Variants in CPLANE1 observed in about 807,000 individuals in gnomAD.
CPLANE1 encodes ciliogenesis and planar polarity effector complex subunit 1.
In CPLANE1, 263 loss-of-function variants were observed where a neutral mutation model predicts 362.5. The observed-to-expected ratio is 0.73, with a 90% CI of 0.66 to 0.80. CPLANE1 has a LOEUF of 0.80. Ranked by LOEUF, CPLANE1 falls within the 30% of genes least tolerant of loss-of-function variation. The probability of loss-of-function intolerance (pLI) is 0.00; values close to 1 mark genes in which losing one functional copy is unlikely to be tolerated. For missense variants in CPLANE1, 3,461 were observed against 3,793.4 expected, an observed-to-expected ratio of 0.91 and a Z score of 2.30; for synonymous variants, 1,212 against 1,302.6, an observed-to-expected ratio of 0.93 and a Z score of 1.50.
Position 37,165,594 on chromosome 5 carries a change from C to G in CPLANE1, c.7478G>C (p.Arg2493Pro). 7.5e-6 allele frequency: 12 copies of G among 1,610,642 alleles called. No individual in the cohort carries two copies. The highest frequency in any genetic ancestry group is 1.0e-5 in the Non-Finnish European group (12 of 1,179,006). ...KLRRKPNVTF[R>P]PENSIINNDD... is the part of the protein sequence containing the mutation. The stretch of plus-strand genomic sequence containing the variant: ...ATTATTAATTATGGAATTCTCTGGT[C>G]GAAAAGTCACATTTGGTTTTCTCCT... Residue 2493 changes from arginine (R) to proline (P), a missense_variant, in exon 36 of 53, where the codon CGA (arginine) becomes CCA (proline). By Grantham distance (103) the Arg-to-Pro change is moderately radical. Transcript: ENST00000651892.
intron 8 of CPLANE1, among the ~76,000 whole-genome samples, chr5:37,237,508 C>T (rs1427174393): frequency 6.6e-6 from 1 of 152,106 alleles, no homozygotes; most frequent in Non-Finnish European, 1.5e-5. Flanking sequence ...ACTATTAATA[C>T]TAAAAGCCCA....
At chr5:37,233,006 AAG>A (rs2150556077) in intron 8 of CPLANE1, among the ~76,000 whole-genome samples, 1 of 152,278 alleles carries the variant, frequency 6.6e-6, no homozygotes, top group South Asian at 2.1e-4. Context: ...GGGAAACAGT[AAG>A]AGAAAAATCC....
chr5:37,224,353 CAATTAGTCATAGTTAATTAT>C lies in CPLANE1; in HGVS notation c.2501-40_2501-21del, dbSNP rs1561656146. The stretch of plus-strand genomic sequence containing the variant: ...CTTCCCCTAGAAAGTTTTTAACCAA[CAATTAGTCATAGTTAATTAT>C]ATTACTTCATAAAAATTTACTTTGT... On this transcript the variant is annotated intron_variant, in intron 13 of 52. Coordinates refer to ENST00000651892, the MANE Select transcript of CPLANE1 (RefSeq NM_001384732.1). 4 of 1,490,242 alleles carry C rather than the reference CAATTAGTCATAGTTAATTAT, an allele frequency of 2.7e-6. No individual in the cohort carries two copies. 92.3% of individuals were successfully genotyped at this position (1,490,242 alleles called of 1,614,324 possible). A position where few individuals can be genotyped will look rare whatever the true frequency, so the allele number is the denominator to read the frequency against.
intron 21 of CPLANE1, 30 bp downstream of exon 21, chr5:37,195,828 C>T (rs1787244131): frequency 1.9e-6 from 3 of 1,595,422 alleles, no homozygotes; most frequent in African/African-American, 2.7e-5. Flanking sequence ...ATCATTCATA[C>T]TCTAAGCAAG....
intron 21 of CPLANE1, among the ~76,000 whole-genome samples, chr5:37,189,497 A>G (rs10056774): frequency 0.014 from 2,116 of 152,264 alleles, 52 homozygotes; most frequent in African/African-American, 0.048. Flanking sequence ...TCATTATTTC[A>G]TATTTCACAG....
intron 15 of CPLANE1, among the ~76,000 whole-genome samples, chr5:37,214,440 A>C (rs895175318): frequency 2.0e-5 from 3 of 152,174 alleles, no homozygotes; most frequent in African/African-American, 7.2e-5. Context: ...GTGCCAGTGC[A>C]CTCCAGCCTG....
In CPLANE1 at chr5:37,209,638, C is replaced by T; in HGVS notation, c.2921-3213G>A. On this transcript the variant is annotated intron_variant, in intron 16 of 52. Coordinates refer to ENST00000651892, the MANE Select transcript of CPLANE1 (RefSeq NM_001384732.1). The surrounding 1 kb of genome is among the most constrained non-coding windows in gnomAD (Gnocchi z 4.6). ...AGATGTGGCTGTGAATATTCACTTTCTGTTTTCTTTCTAGAAAGTGGTTTG... is the reference window on the plus strand; with the variant it reads ...AGATGTGGCTGTGAATATTCACTTTTTGTTTTCTTTCTAGAAAGTGGTTTG... 7.7e-6 allele frequency: 11 copies of T among 1,427,684 alleles called. No homozygotes were observed. The highest frequency in any genetic ancestry group is 1.1e-5 in the Non-Finnish European group (11 of 1,012,014). The allele number at this position is 1,427,684 out of a possible 1,614,324, so 88.4% of individuals were successfully genotyped here.
chr5:37,215,184 G>C (rs1261968892), intron 15 of CPLANE1, among the ~76,000 whole-genome samples: 1 of 152,004 alleles, frequency 6.6e-6, no homozygotes, highest in African/African-American at 2.4e-5. Context: ...TGAGTAGCTG[G>C]GATTATAGGC....
At chr5:37,132,954 G>A (rs1766411188) in intron 46 of CPLANE1, among the ~76,000 whole-genome samples, 1 of 152,080 alleles carries the variant, frequency 6.6e-6, no homozygotes, top group Admixed American at 6.6e-5. Context: ...TTTGTATATG[G>A]TGAAAGGTAG....
chr5:37,136,959 G>C (rs1767912640), intron 46 of CPLANE1, among the ~76,000 whole-genome samples: 2 of 152,168 alleles, frequency 1.3e-5, no homozygotes, highest in African/African-American at 4.8e-5. Flanking sequence ...TGCCATGAAG[G>C]TCTCTGACAT....
rs1770037001 is a variant in CPLANE1, at chr5:37,142,390, C to G, written c.8552G>C (p.Gly2851Ala). 4 of 1,611,544 alleles carry G rather than the reference C, an allele frequency of 2.5e-6. No individual in the cohort carries two copies. The East Asian group carries it at 8.9e-5, about 36-fold the overall frequency. ...AGTAGGAAACACACAGGTTTTCTGACCAGAATAATTTTCTGTTATTGAAAA... is the reference window on the plus strand; with the variant it reads ...AGTAGGAAACACACAGGTTTTCTGAGCAGAATAATTTTCTGTTATTGAAAA... ...PEFSITENYS[G>A]QKTCVFPTAD... The change falls in exon 44 of 53, where the codon GGT (glycine) becomes GCT (alanine). Residue 2851 changes from glycine (G) to alanine (A), a missense_variant. Gly to Ala is a moderately conservative substitution (Grantham distance 60). Around this residue, in one of 2 missense-constraint regions of CPLANE1, gnomAD observed 3,380 missense variants for 3,666.1 expected, o/e 0.92. Coordinates refer to ENST00000651892, the MANE Select transcript of CPLANE1 (RefSeq NM_001384732.1).
chr5:37,124,901 G>A (rs1456827384), intron 47 of CPLANE1: 2 of 1,046,516 alleles, frequency 1.9e-6, no homozygotes, highest in African/African-American at 3.4e-5. Context: ...AATACACATA[G>A]TTGGTTGTCG....
rs1740196512 is a variant in CPLANE1 at position 37,247,700 on chromosome 5, T to C, written c.-2A>G. 6.5e-7 allele frequency: 1 copy of C among 1,547,096 alleles called. No homozygotes were observed. Among genetic ancestry groups the C allele is most frequent in the Admixed American group, 2.0e-5 (1 of 50,672 alleles). ...CAAGATTTCTAATCTTATCTCCATG[T>C]TTGTTAAGCTATCAATGACCAATTA... is the stretch of plus-strand genomic sequence containing the variant. On this transcript the variant is annotated 5_prime_UTR_variant, in exon 2 of 53. Coordinates refer to ENST00000651892, the MANE Select transcript of CPLANE1 (RefSeq NM_001384732.1).
downstream of CPLANE1, among the ~76,000 whole-genome samples, chr5:37,104,276 G>C (rs1057306512): frequency 1.3e-5 from 2 of 152,066 alleles, no homozygotes; most frequent in African/African-American, 4.8e-5. Flanking sequence ...GTTTTATCAT[G>C]GTTCTTAGAT....
At chr5:37,130,962 T>C (rs1765587935) in intron 46 of CPLANE1, among the ~76,000 whole-genome samples, 1 of 152,350 alleles carries the variant, frequency 6.6e-6, no homozygotes, top group South Asian at 2.1e-4. Context: ...AACAGTTATA[T>C]ATCCTTGCTT....
intron 14 of CPLANE1, among the ~76,000 whole-genome samples, chr5:37,222,821 C>T (rs889653076): frequency 6.6e-6 from 1 of 152,174 alleles, no homozygotes; most frequent in African/African-American, 2.4e-5. Flanking sequence ...CTCCATTACC[C>T]TTGACATTGC....
At chr5:37,080,141 C>T in the CPLANE1 span, among the ~76,000 whole-genome samples, 1 of 152,182 alleles carries the variant, frequency 6.6e-6, no homozygotes, top group African/African-American at 2.4e-5. Context: ...AGCTTACCTG[C>T]CTTAACCGTA....
rs765826864 is a variant in CPLANE1, at chr5:37,226,388, C to T, written c.2207G>A (p.Ser736Asn). ...CCAAGACCAGTTTTTCTGAAAACCA[C>T]TATCTTGAAACATCTGAAAAATAGG... is the stretch of plus-strand genomic sequence containing the variant. ...VVPIFQMFQD[S>N]GFQKNWSWNS... The change falls in exon 12 of 53, where the codon AGT becomes AAT. Residue 736 changes from serine (S) to asparagine (N), a missense_variant. Ser to Asn is a conservative substitution (Grantham distance 46, BLOSUM62 1). This residue lies in a region of CPLANE1 where 3,380 missense variants were observed against 3,666.1 expected (regional missense o/e 0.92). Transcript: ENST00000651892. The T allele has an allele frequency of 3.2e-6, 5 of 1,549,168 alleles. No individual in the cohort carries two copies. In the South Asian group the frequency reaches 4.8e-5, roughly 15 times the overall value.
At chr5:37,240,684 A>T (rs1267851816) in intron 6 of CPLANE1, among the ~76,000 whole-genome samples, 2 of 152,162 alleles carry the variant, frequency 1.3e-5, no homozygotes, top group Admixed American at 6.5e-5. Context: ...AACATTAAGG[A>T]TTATTTTCAA....
Sources: allele counts gnomAD v4.1 joint callset (sites outside exome capture counted in the v4.1 genomes callset), GRCh38; gene constraint gnomAD v4.1.1; regional missense constraint gnomAD v4.1.1; non-coding constraint Gnocchi (gnomAD v3.1); transcripts MANE v1.5; gene names NCBI Gene and HGNC (gene_info 2026-07-23, HGNC 2026-07-21).